NDUFAF7: variants seen among roughly 807,000 people sequenced by gnomAD.
NDUFAF7 encodes the protein protein arginine methyltransferase NDUFAF7, mitochondrial.
In NDUFAF7, 48 loss-of-function variants were observed where a neutral mutation model predicts 47.2. The observed-to-expected ratio is 1.02, with a 90% CI of 0.81 to 1.29. The LOEUF is 1.29. NDUFAF7 is among the 50% of genes most tolerant of loss of function. NDUFAF7 has a pLI of 0.00. For missense variants in NDUFAF7, 635 were observed against 537.6 expected (o/e 1.18, Z -1.79); for synonymous variants, 217 against 190.0 (o/e 1.14, Z -1.17).
At chr2:37,258,889 C>T in the NDUFAF7 span, among the ~76,000 whole-genome samples, 2 of 152,234 alleles carry the variant, frequency 1.3e-5, no homozygotes, top group African/African-American at 2.4e-5. Context: ...AGTTTGGCAA[C>T]AGATATTTGA....
chr2:37,242,405 A>G (rs1666442423), intron 5 of NDUFAF7: 1 of 394,986 alleles, frequency 2.5e-6, no homozygotes, highest in Non-Finnish European at 4.6e-6. Context: ...GATGAATAAA[A>G]GCTTTAACTG....
chr2:37,265,307 C>T, the NDUFAF7 span, among the ~76,000 whole-genome samples: 1 of 152,142 alleles, frequency 6.6e-6, no homozygotes, highest in Non-Finnish European at 1.5e-5. Flanking sequence ...AGCTGTGATG[C>T]TCACATAACT....
Position 37,236,081 on chromosome 2 carries a change from T to G in NDUFAF7, c.217-15T>G, listed in dbSNP as rs774774865. 1.3e-6 allele frequency: 2 copies of G among 1,599,536 alleles called. No homozygotes were observed. The highest frequency in any genetic ancestry group is 2.2e-5 in the East Asian group (1 of 44,736). ...GAAAATTAATTTTGTTTCTCTATTT[T>G]CTCTTTTTACTCAGGGTTATTATGT... On this transcript the variant is annotated splice_polypyrimidine_tract_variant and intron_variant, in intron 2 of 9. Coordinates refer to ENST00000002125, the MANE Select transcript of NDUFAF7 (RefSeq NM_144736.5).
intron 1 of NDUFAF7, 59 bp downstream of exon 1, chr2:37,231,819 C>T: frequency 6.2e-7 from 1 of 1,609,672 alleles, no homozygotes; most frequent in Admixed American, 1.7e-5. Context: ...GCGCCTTCCT[C>T]AGCTCTTCAG....
chr2:37,254,291 T>A (rs750701320), downstream of NDUFAF7: 2 of 1,611,290 alleles, frequency 1.2e-6, no homozygotes, highest in Non-Finnish European at 1.7e-6. Context: ...GATCAATTGC[T>A]AAGGGAAAAG....
downstream of NDUFAF7, among the ~76,000 whole-genome samples, chr2:37,258,340 A>C (rs1440555104): frequency 6.6e-6 from 1 of 152,210 alleles, no homozygotes; most frequent in Non-Finnish European, 1.5e-5. Context: ...ACGAATACTG[A>C]GCCTGAAGAA....
At chr2:37,257,688 AAAAAAAG>A (rs1668086831), downstream of NDUFAF7, among the ~76,000 whole-genome samples, 4 of 149,764 alleles carry the variant, frequency 2.7e-5, no homozygotes, top group Non-Finnish European at 5.9e-5. Context: ...AAAAAAAAAA[AAAAAAAG>A]TTACAGTATT....
Position 37,241,785 on chromosome 2 carries a change from C to T in NDUFAF7, c.616C>T (p.Pro206Ser). ...ISWYRDLHDV[P>S]KGYSFYLAHE... ...CTGGTACCGAGATCTGCACGATGTT[C>T]CAAAAGGTAATTACCTTTATGTGGA... is the stretch of plus-strand genomic sequence containing the variant. Residue 206 changes from proline to serine, a missense_variant, in exon 5 of 10, where the codon CCA (proline) becomes TCA (serine). Transcript: ENST00000002125. 6.2e-7 allele frequency: 1 copy of T among 1,613,020 alleles called. No homozygotes were observed. Among genetic ancestry groups the T allele is most frequent in the Non-Finnish European group, 8.5e-7 (1 of 1,179,732 alleles).
downstream of NDUFAF7, chr2:37,251,359 C>CA (rs1667476881): frequency 6.6e-6 from 1 of 152,514 alleles, no homozygotes; most frequent in Non-Finnish European, 1.5e-5. Flanking sequence ...CTACTGGTCT[C>CA]AAATACTACT....
chr2:37,251,420 T>TATC (rs529823398), downstream of NDUFAF7: 6 of 152,700 alleles, frequency 3.9e-5, no homozygotes, highest in East Asian at 1.2e-3. Context: ...TCAGTTTTCT[T>TATC]ATCTTTAAGA....
In NDUFAF7 at chr2:37,243,828, C is replaced by G. The variant is rs770057984; in HGVS notation, c.682-35C>G. ...AGAAGCAATGTAGAGAACAAACTTG[C>G]AAAAATTTGTTTTTATGTGTTATTT... On this transcript the variant is annotated intron_variant, in intron 6 of 9. Coordinates refer to ENST00000002125, the MANE Select transcript of NDUFAF7 (RefSeq NM_144736.5). 20 of 1,569,670 alleles carry G rather than the reference C, an allele frequency of 1.3e-5. No individual in the cohort carries two copies. The South Asian group carries it at 1.7e-4, about 13-fold the overall frequency.
chr2:37,234,344 A>C (rs1343228202), intron 2 of NDUFAF7, among the ~76,000 whole-genome samples: 1 of 152,152 alleles, frequency 6.6e-6, no homozygotes, highest in Non-Finnish European at 1.5e-5. Context: ...CGCCTGTCTC[A>C]GCCTCCTAAA....
chr2:37,270,464 A>G, the NDUFAF7 span, among the ~76,000 whole-genome samples: 4 of 151,416 alleles, frequency 2.6e-5, no homozygotes, highest in Admixed American at 1.3e-4. Flanking sequence ...CCATTCCTCT[A>G]TCTTTCCTCA....
In NDUFAF7 at chr2:37,242,699, G is replaced by C; in HGVS notation, c.681+6G>C. The C allele has an allele frequency of 6.3e-7, 1 of 1,589,370 alleles. No individual in the cohort carries two copies. Among genetic ancestry groups the C allele is most frequent in the African/African-American group, 1.3e-5 (1 of 74,432 alleles). On this transcript the variant is annotated splice_donor_region_variant and intron_variant, in intron 6 of 9. Coordinates refer to ENST00000002125, the MANE Select transcript of NDUFAF7 (RefSeq NM_144736.5). ...TTCCTGTGCATAAATTTCAGGTATTGAGGGGGGAAAAAAGTCATGTCTATA... is the reference window on the plus strand; with the variant it reads ...TTCCTGTGCATAAATTTCAGGTATTCAGGGGGGAAAAAAGTCATGTCTATA...
chr2:37,256,641 T>G, downstream of NDUFAF7: 1 of 1,384,104 alleles, frequency 7.2e-7, no homozygotes, highest in Non-Finnish European at 9.3e-7. Context: ...TTTTTTTTTT[T>G]TTTTTTTTTT....
intron 4 of NDUFAF7, among the ~76,000 whole-genome samples, chr2:37,238,595 A>T (rs11680401): frequency 0.36 from 51,529 of 144,808 alleles, 9,290 homozygotes; most frequent in East Asian, 0.44. Flanking sequence ...TTTTTATATT[A>T]AAAAAAAAAA....
rs201463726 is a variant in NDUFAF7 at position 37,237,804 on chromosome 2, C to T, written c.345C>T (p.Ser115=). 23 of 1,613,814 alleles carry T rather than the reference C, an allele frequency of 1.4e-5. No homozygotes were observed. In the East Asian group the frequency reaches 5.1e-4, roughly 36 times the overall value. Residue 115 remains serine, a synonymous_variant, in exon 4 of 10, where the codon AGC becomes AGT. Coordinates refer to ENST00000002125, the MANE Select transcript of NDUFAF7 (RefSeq NM_144736.5). Reference sequence around the variant, plus strand: ...GTGAATGGATGGCCACTGGAAAAAGCACAGCTTTCCAGCTGGTGGAACTGG... The same window carrying T: ...GTGAATGGATGGCCACTGGAAAAAGTACAGCTTTCCAGCTGGTGGAACTGG... ...FISEWMATGK[S]TAFQLVELGP... is the part of the protein sequence containing the mutation.
chr2:37,252,983 C>T, downstream of NDUFAF7: 1 of 459,014 alleles, frequency 2.2e-6, no homozygotes. Context: ...ACCTTGATTC[C>T]ATTATGACTT....
the NDUFAF7 span, among the ~76,000 whole-genome samples, chr2:37,265,131 A>G: frequency 2.0e-5 from 3 of 148,608 alleles, no homozygotes; most frequent in African/African-American, 5.3e-5. Context: ...GAGTTCAGAC[A>G]GCCTTTCAGG....
Sources: gnomAD v4.1 joint callset for allele counts (sites outside exome capture counted in the v4.1 genomes callset) on GRCh38, gnomAD v4.1.1 for gene constraint, MANE v1.5 for transcripts, NCBI Gene and HGNC (gene_info 2026-07-23, HGNC 2026-07-21) for gene names.